Variants in IFI27L1 observed in about 807,000 individuals in gnomAD.
IFI27L1 encodes interferon alpha-inducible protein 27-like protein 1.
IFI27L1 carries 3 observed loss-of-function variants against 9.2 expected under a neutral mutation model. The ratio of observed to expected loss-of-function variants is 0.32; its 90% confidence interval spans 0.15 to 0.84. The LOEUF is 0.84. Ranked by LOEUF, IFI27L1 falls within the 40% of genes least tolerant of loss-of-function variation. The probability of loss-of-function intolerance (pLI) is 0.56; values close to 1 mark genes in which losing one functional copy is unlikely to be tolerated. For synonymous variants in IFI27L1, 53 were observed against 50.0 expected (o/e 1.06, Z -0.26); for missense variants, 133 against 134.2 (o/e 0.99, Z 0.05).
intron 4 of IFI27L1, 132 bp downstream of exon 4, chr14:94,102,107 C>A: frequency 1.1e-6 from 1 of 947,726 alleles, no homozygotes; most frequent in Non-Finnish European, 1.6e-6. Flanking sequence ...TGTCACTGTC[C>A]CCTCTTCTGG....
rs1886199909 is a variant in IFI27L1 at position 94,084,071 on chromosome 14, A to G, written c.-52+2622A>G. Among the ~76,000 whole-genome samples the G allele has an allele frequency of 1.3e-5, 2 of 152,184 alleles. 1 individual carries two copies. On this transcript the variant is annotated intron_variant, in intron 1 of 4. Transcript: ENST00000555523. ...TAGGTATTTTTTTTCCTTCTTCTCA[A>G]TATTCTAATTTTAAAAAATAGTAAG...
At chr14:94,088,264 C>T (rs1886348046) in intron 1 of IFI27L1, 1 of 702,104 alleles carries the variant, frequency 1.4e-6, no homozygotes, top group Non-Finnish European at 2.6e-6. Flanking sequence ...AAGCAGAGTC[C>T]CAGGATCCAT....
At chr14:94,096,841 C>T (rs573830458) in intron 1 of IFI27L1, 46 bp from the exon 2 acceptor site, 10 of 1,085,900 alleles carry the variant, frequency 9.2e-6, no homozygotes, top group South Asian at 9.2e-5. Flanking sequence ...ATTAATGCAG[C>T]TTTATTCAAA....
At position 94,100,751 on chromosome 14, in the gene IFI27L1, T is replaced by TA. The variant is rs1260535150; in HGVS notation, c.42dup (p.Ala15SerfsTer70). ...TTTTTGTCTCCAGGCAGGGCTGCTG[T>TA]AGCAGCTGTGGTCGGAGGAGGTGAG... On this transcript the variant is annotated frameshift_variant, in exon 3 of 5. Coordinates refer to ENST00000555523, the MANE Select transcript of IFI27L1 (RefSeq NM_206949.3). LOFTEE classifies it high-confidence loss of function. 6.2e-7 allele frequency: 1 copy of TA among 1,613,506 alleles called. No individual in the cohort carries two copies. Among genetic ancestry groups the TA allele is most frequent in the Non-Finnish European group, 8.5e-7 (1 of 1,179,920 alleles).
At chr14:94,101,188 A>C in intron 3 of IFI27L1, 1 of 343,104 alleles carries the variant, frequency 2.9e-6, no homozygotes, top group Non-Finnish European at 5.4e-6. Context: ...GAAGCTTTTG[A>C]CCTGCTATAA....
rs370886948 is a variant in IFI27L1, at chr14:94,101,837, G to C, written c.85G>C (p.Val29Leu). Residue 29 changes from valine to leucine, a missense_variant, in exon 4 of 5, where the codon GTG (valine) becomes CTG (leucine). By Grantham distance (32) the Val-to-Leu change is conservative. Transcript: ENST00000555523. ...AGTTGTGGCTGTGGGGACTGTGCTC[G>C]TGGCGCTCAGTGCCATGGGCTTCAC... ...GGVVAVGTVLVALSAMGFTSV... is the reference protein window; with the variant it reads ...GGVVAVGTVLLALSAMGFTSV... 6.8e-6 allele frequency: 11 copies of C among 1,614,240 alleles called. No individual in the cohort carries two copies. The highest frequency in any genetic ancestry group is 1.1e-5 in the South Asian group (1 of 91,082).
At position 94,102,576 on chromosome 14, in the gene IFI27L1, A is replaced by G. The variant is rs746348925; in HGVS notation, c.*8A>G. 6.6e-7 allele frequency: 1 copy of G among 1,506,088 alleles called. No individual in the cohort carries two copies. The highest frequency in any genetic ancestry group is 8.9e-7 in the Non-Finnish European group (1 of 1,123,180). The allele number at this position is 1,506,088 out of a possible 1,614,324, so 93.3% of individuals were successfully genotyped here. A position where few individuals can be genotyped will look rare whatever the true frequency, so the allele number is the denominator to read the frequency against. ...TCACCCCCTTCCAGCTGAACACCAC[A>G]CTGAGGCAGGGAGTTGGCTCTCTTG... On this transcript the variant is annotated 3_prime_UTR_variant, in exon 5 of 5. Coordinates refer to ENST00000555523, the MANE Select transcript of IFI27L1 (RefSeq NM_206949.3).
At chr14:94,092,449 T>C (rs557169680) in intron 1 of IFI27L1, among the ~76,000 whole-genome samples, 3 of 152,148 alleles carry the variant, frequency 2.0e-5, no homozygotes, top group Non-Finnish European at 2.9e-5. Flanking sequence ...AGGTGGAGGA[T>C]GCAGTGAGCC....
intron 1 of IFI27L1, among the ~76,000 whole-genome samples, chr14:94,096,303 C>A (rs903516092): frequency 6.6e-6 from 1 of 152,190 alleles, no homozygotes; most frequent in Non-Finnish European, 1.5e-5. Context: ...AGATACGTCT[C>A]CATTCAGTGT....
At chr14:94,102,374 G>T in intron 4 of IFI27L1, 103 bp from the exon 5 acceptor site, 1 of 672,544 alleles carries the variant, frequency 1.5e-6, no homozygotes, top group Non-Finnish European at 2.5e-6. Flanking sequence ...TGGACTGCCT[G>T]GGCCTCAGGT....
At chr14:94,088,499 CTT>C (rs3064010) in intron 1 of IFI27L1, among the ~76,000 whole-genome samples, 13 of 124,814 alleles carry the variant, frequency 1.0e-4, no homozygotes, top group Non-Finnish European at 1.1e-4. Flanking sequence ...CTGGAACAAT[CTT>C]TTTTTTTTTT....
chr14:94,085,236 C>G (rs1018257423), intron 1 of IFI27L1, among the ~76,000 whole-genome samples: 7 of 152,136 alleles, frequency 4.6e-5, no homozygotes, highest in Non-Finnish European at 8.8e-5. Context: ...CTCATCTAGC[C>G]AGGTAGGGCA....
chr14:94,087,641 T>C lies in IFI27L1; in HGVS notation c.-52+6192T>C, dbSNP rs550608333. ...TGGTGTTTCACCGTGTTAGCCAGGA[T>C]GGTCTCGATCTCCTGACCTCGTGAT... On this transcript the variant is annotated intron_variant, in intron 1 of 4. Transcript: ENST00000555523. 6.4e-4 allele frequency among the ~76,000 whole-genome samples: 97 copies of C among 152,232 alleles called. 1 individual carries two copies. The highest frequency in any genetic ancestry group is 6.3e-3 in the Admixed American group (97 of 15,296).
At chr14:94,086,774 A>G (rs928893025) in intron 1 of IFI27L1, among the ~76,000 whole-genome samples, 1 of 152,232 alleles carries the variant, frequency 6.6e-6, no homozygotes, top group African/African-American at 2.4e-5. Context: ...TCTTGGAAGG[A>G]GCCAGTGCAA....
chr14:94,101,042 C>T (rs1886876252), intron 3 of IFI27L1: 2 of 590,788 alleles, frequency 3.4e-6, no homozygotes, highest in African/African-American at 1.9e-5. Flanking sequence ...TTGGAGCAGT[C>T]ACAGCCCGGG....
chr14:94,101,723 G>C, intron 3 of IFI27L1, 91 bp from the exon 4 acceptor site: 1 of 1,356,854 alleles, frequency 7.4e-7, no homozygotes, highest in Non-Finnish European at 1.0e-6. Flanking sequence ...GAGCACAGCA[G>C]ACCCCTCCTC....
In IFI27L1 at chr14:94,101,991, A is replaced by G. The variant is rs1426611985; in HGVS notation, c.223+16A>G. On this transcript the variant is annotated intron_variant, in intron 4 of 4. Coordinates refer to ENST00000555523, the MANE Select transcript of IFI27L1 (RefSeq NM_206949.3). ...CAGTCAGTGGGTGAGTGTTCTGGACAGGATGACCAGAGCCAGGAGATGATC... is the reference window on the plus strand; with the variant it reads ...CAGTCAGTGGGTGAGTGTTCTGGACGGGATGACCAGAGCCAGGAGATGATC... 6.2e-7 allele frequency: 1 copy of G among 1,614,174 alleles called. No homozygotes were observed. The highest frequency in any genetic ancestry group is 1.1e-5 in the South Asian group (1 of 91,088).
At chr14:94,102,147 G>C in intron 4 of IFI27L1, 172 bp downstream of exon 4, 1 of 688,798 alleles carries the variant, frequency 1.5e-6, no homozygotes. Flanking sequence ...TGCAGCCTAA[G>C]AGATCTGCAT....
intron 1 of IFI27L1, among the ~76,000 whole-genome samples, chr14:94,085,373 G>A (rs1260736276): frequency 2.0e-5 from 3 of 152,170 alleles, no homozygotes; most frequent in Non-Finnish European, 4.4e-5. Flanking sequence ...GAATAATATG[G>A]TTGAGAAGAC....
Sources: gnomAD v4.1 joint callset for allele counts (sites outside exome capture counted in the v4.1 genomes callset) on GRCh38, gnomAD v4.1.1 for gene constraint, MANE v1.5 for transcripts, NCBI Gene and HGNC (gene_info 2026-07-23, HGNC 2026-07-21) for gene names.